GRIA1: variants seen among roughly 807,000 people sequenced by gnomAD.
The protein encoded by GRIA1 is glutamate ionotropic receptor AMPA type subunit 1, also known as glutamate receptor 1.
A neutral mutation model predicts 99.2 loss-of-function variants in GRIA1; 31 were observed. That is an observed-to-expected ratio of 0.31 (90% confidence interval 0.23 to 0.42). The LOEUF (loss-of-function observed/expected upper bound fraction) is 0.42. GRIA1 is among the 10% of genes least tolerant of loss of function. The probability of loss-of-function intolerance (pLI) is 1.00; values close to 1 mark genes in which losing one functional copy is unlikely to be tolerated. For missense variants in GRIA1, 782 were observed against 1,157.5 expected (o/e 0.68, Z 4.71); for synonymous variants, 438 against 432.4 (o/e 1.01, Z -0.16).
intron 2 of GRIA1, among the ~76,000 whole-genome samples, chr5:153,625,010 T>C (rs1458680062): frequency 6.6e-6 from 1 of 152,190 alleles, no homozygotes; most frequent in Admixed American, 6.5e-5. Flanking sequence ...AGCAGAGACA[T>C]ACCAAGTCAG....
intron 5 of GRIA1, among the ~76,000 whole-genome samples, chr5:153,667,459 C>T (rs1279421795): frequency 1.3e-5 from 2 of 152,222 alleles, no homozygotes; most frequent in Non-Finnish European, 2.9e-5. Context: ...TTGCCTGACC[C>T]AGTCCCTGTA....
chr5:153,699,709 G>A (rs2149513959), intron 10 of GRIA1, among the ~76,000 whole-genome samples: 1 of 152,070 alleles, frequency 6.6e-6, no homozygotes, highest in South Asian at 2.1e-4. Context: ...GGTTTACCCT[G>A]CCTTATATAA....
chr5:153,739,082 T>A (rs11741602), intron 11 of GRIA1, among the ~76,000 whole-genome samples: 9,071 of 121,076 alleles, frequency 0.075, 324 homozygotes, highest in Non-Finnish European at 0.081. Context: ...AAGGCAGGGA[T>A]TTCTCCAAAA....
upstream of GRIA1, chr5:153,489,980 G>A: frequency 2.6e-6 from 1 of 382,906 alleles, no homozygotes; most frequent in Non-Finnish European, 5.2e-6. Flanking sequence ...AAGGTAGACA[G>A]GGACTGTCAA....
At chr5:153,616,502 A>G (rs1766519372) in intron 2 of GRIA1, among the ~76,000 whole-genome samples, 1 of 152,120 alleles carries the variant, frequency 6.6e-6, no homozygotes, top group Admixed American at 6.5e-5. Flanking sequence ...AAATCTCATA[A>G]TGTTTTAAGA....
chr5:153,512,844 T>C (rs1182542862), intron 2 of GRIA1, among the ~76,000 whole-genome samples: 1 of 152,202 alleles, frequency 6.6e-6, no homozygotes, highest in Non-Finnish European at 1.5e-5. Context: ...GTTAAAGCCC[T>C]AACCTCCAGC....
intron 11 of GRIA1, among the ~76,000 whole-genome samples, chr5:153,740,129 T>G (rs900744381): frequency 1.4e-4 from 22 of 152,218 alleles, no homozygotes; most frequent in African/African-American, 5.3e-4. Context: ...CTAAAGTGAA[T>G]TTTGTTTTCA....
intron 8 of GRIA1, among the ~76,000 whole-genome samples, chr5:153,692,646 A>G (rs1337581719): frequency 6.6e-6 from 1 of 152,112 alleles, no homozygotes; most frequent in Non-Finnish European, 1.5e-5. Context: ...AAGCTTGTCA[A>G]CCCCTGGTCT....
At chr5:153,580,809 T>C (rs188208161) in intron 2 of GRIA1, among the ~76,000 whole-genome samples, 8 of 152,288 alleles carry the variant, frequency 5.3e-5, no homozygotes, top group African/African-American at 1.4e-4. Context: ...AGCCACTGTC[T>C]GCTGCTCAGG....
At position 153,811,257 on chromosome 5, in the gene GRIA1, G is replaced by T. The variant is rs775315028; in HGVS notation, c.*32G>T. 3 of 1,563,226 alleles carry T rather than the reference G, an allele frequency of 1.9e-6. No homozygotes were observed. The South Asian group carries it at 3.3e-5, about 17-fold the overall frequency. On this transcript the variant is annotated 3_prime_UTR_variant, in exon 16 of 16. Coordinates refer to ENST00000285900, the MANE Select transcript of GRIA1 (RefSeq NM_000827.4). ...CAGATGGAGACCCCTTGGGGAGCAG[G>T]CTCGGGCTCCCCAGCCCCATCCCAA...
At chr5:153,582,177 T>C (rs1178639871) in intron 2 of GRIA1, among the ~76,000 whole-genome samples, 1 of 152,220 alleles carries the variant, frequency 6.6e-6, no homozygotes, top group Non-Finnish European at 1.5e-5. Flanking sequence ...CAATCCTCTC[T>C]TTTTACAGAG....
At chr5:153,779,355 G>C (rs760108374) in intron 13 of GRIA1, among the ~76,000 whole-genome samples, 2 of 152,084 alleles carry the variant, frequency 1.3e-5, no homozygotes, top group African/African-American at 4.8e-5. Context: ...ATCAAGACTC[G>C]CATCACTGCC....
chr5:153,613,056 G>A (rs1487873374), intron 2 of GRIA1, among the ~76,000 whole-genome samples: 1 of 152,188 alleles, frequency 6.6e-6, no homozygotes, highest in Non-Finnish European at 1.5e-5. Context: ...CTGGAAGGCT[G>A]GAACCAATTG....
intron 2 of GRIA1, among the ~76,000 whole-genome samples, chr5:153,631,565 G>A (rs1021958192): frequency 6.6e-6 from 1 of 152,084 alleles, no homozygotes; most frequent in Non-Finnish European, 1.5e-5. Context: ...TGTAATATTA[G>A]GTATCAGAGA....
intron 10 of GRIA1, among the ~76,000 whole-genome samples, chr5:153,703,734 T>A (rs532010275): frequency 2.6e-5 from 4 of 152,246 alleles, no homozygotes; most frequent in African/African-American, 9.6e-5. Context: ...CAAGACCCTG[T>A]CTCAAAAAAA....
At chr5:153,655,683 G>A (rs1388268614) in intron 4 of GRIA1, 136 bp from the exon 5 acceptor site, 1 of 689,658 alleles carries the variant, frequency 1.4e-6, no homozygotes, top group Non-Finnish European at 2.6e-6. Context: ...ATCATTGGAT[G>A]GTTGGGATAT....
chr5:153,764,640 C>T lies in GRIA1; in HGVS notation c.2022+8C>T, dbSNP rs1319429220. ...ACTAAGGAGTTCTTCAGGGTAGGGACATCCTTTGTCCCAAGACACTTTCAC... is the reference window on the plus strand; with the variant it reads ...ACTAAGGAGTTCTTCAGGGTAGGGATATCCTTTGTCCCAAGACACTTTCAC... On this transcript the variant is annotated splice_region_variant and intron_variant, in intron 12 of 15. Coordinates refer to ENST00000285900, the MANE Select transcript of GRIA1 (RefSeq NM_000827.4). The T allele has an allele frequency of 3.1e-6, 5 of 1,601,976 alleles. No individual in the cohort carries two copies. In the African/African-American group the frequency reaches 4.0e-5, roughly 13 times the overall value.
chr5:153,517,834 T>G (rs1756769827), intron 2 of GRIA1, among the ~76,000 whole-genome samples: 2 of 152,210 alleles, frequency 1.3e-5, no homozygotes, highest in Non-Finnish European at 1.5e-5. Context: ...GAGGCTAAAG[T>G]GACTTTTTAA....
chr5:153,546,804 CA>C (rs1759656717), intron 2 of GRIA1, among the ~76,000 whole-genome samples: 1 of 152,150 alleles, frequency 6.6e-6, no homozygotes, highest in Non-Finnish European at 1.5e-5. Context: ...GCACTTGGAC[CA>C]GTGCCTTATA....
Sources: gnomAD v4.1 joint callset for allele counts (sites outside exome capture counted in the v4.1 genomes callset) on GRCh38, gnomAD v4.1.1 for gene constraint, MANE v1.5 for transcripts, NCBI Gene and HGNC (gene_info 2026-07-23, HGNC 2026-07-21) for gene names.